Variants in SLC35F5 observed in about 807,000 individuals in gnomAD.
SLC35F5 encodes the protein HCV NS5A-transactivated protein 3.
SLC35F5 carries 54 observed loss-of-function variants against 68.6 expected under a neutral mutation model. That is an observed-to-expected ratio of 0.79 (90% CI 0.63 to 0.99). SLC35F5 has a LOEUF of 0.99. Ranked by LOEUF, SLC35F5 falls within the 50% of genes least tolerant of loss-of-function variation. SLC35F5 has a pLI of 0.00. For synonymous variants in SLC35F5, 211 were observed against 205.2 expected (o/e 1.03, Z -0.24); for missense variants, 567 against 626.9 (o/e 0.90, Z 1.02).
At chr2:113,703,007 G>A (rs1015491736), downstream of SLC35F5, among the ~76,000 whole-genome samples, 3 of 152,142 alleles carry the variant, frequency 2.0e-5, no homozygotes, top group East Asian at 5.8e-4. Flanking sequence ...CAACTTGAGA[G>A]GCTGAGGTGG....
In SLC35F5 at chr2:113,731,614, AC is replaced by A; in HGVS notation, c.954del (p.Ser319LeufsTer10). 1 of 1,613,292 alleles carries A rather than the reference AC, an allele frequency of 6.2e-7. No individual in the cohort carries two copies. Among genetic ancestry groups the A allele is most frequent in the Non-Finnish European group, 8.5e-7 (1 of 1,179,448 alleles). On this transcript the variant is annotated frameshift_variant, in exon 10 of 16. Transcript: ENST00000245680. LOFTEE classifies it high-confidence loss of function. ...GTGTCTCTTCCAGCAGGTTTTTCAG[AC>A]CCTGCCAGGTTTACCAGTACAACGC... is the stretch of plus-strand genomic sequence containing the variant. Reference protein sequence around the residue: ...IGGVVLVNLAGSEKPAGRDTV... With the variant: ...IGGVVLVNLAXSEKPAGRDTV...
chr2:113,707,011 T>G lies in SLC35F5; in HGVS notation c.*8207A>C, dbSNP rs537316718. 3.3e-5 allele frequency among the ~76,000 whole-genome samples: 5 copies of G among 152,216 alleles called. No homozygotes were observed. The South Asian group carries it at 1.0e-3, about 32-fold the overall frequency. On this transcript the variant is annotated 3_prime_UTR_variant, in exon 16 of 16. Transcript: ENST00000245680. The stretch of plus-strand genomic sequence containing the variant: ...TCATAGCTAACATAAGTAGGAATTA[T>G]AATTAATTTTATAATTGTGTTTAAA...
intron 12 of SLC35F5, 94 bp from the exon 13 acceptor site, chr2:113,723,288 G>C: frequency 1.5e-6 from 1 of 675,302 alleles, no homozygotes; most frequent in Non-Finnish European, 2.2e-6. Flanking sequence ...ATAGGCCTGT[G>C]AGATCAGGAG....
At chr2:113,747,116 A>G (rs1676523336) in intron 4 of SLC35F5, among the ~76,000 whole-genome samples, 1 of 151,814 alleles carries the variant, frequency 6.6e-6, no homozygotes, top group South Asian at 2.1e-4. Flanking sequence ...GTGAAACCCC[A>G]TCTCTACTAA....
intron 13 of SLC35F5, among the ~76,000 whole-genome samples, chr2:113,721,005 A>T (rs1481961712): frequency 6.6e-6 from 1 of 152,126 alleles, no homozygotes; most frequent in Admixed American, 6.5e-5. Context: ...CTAATTCCTA[A>T]ATATATCTGA....
chr2:113,722,822 C>T (rs1687498063), intron 13 of SLC35F5, among the ~76,000 whole-genome samples: 1 of 152,082 alleles, frequency 6.6e-6, no homozygotes, highest in South Asian at 2.1e-4. Flanking sequence ...TGTGACTTAC[C>T]AAAGAACATC....
chr2:113,722,480 T>C (rs73955055), intron 13 of SLC35F5, among the ~76,000 whole-genome samples: 35,314 of 152,112 alleles, frequency 0.23, 4,456 homozygotes, highest in Middle Eastern at 0.49. Context: ...TAAATGGCTA[T>C]GCTCCATCTT....
chr2:113,746,190 A>G, intron 5 of SLC35F5, 87 bp downstream of exon 5: 1 of 962,194 alleles, frequency 1.0e-6, no homozygotes. Flanking sequence ...GTTGTAATAC[A>G]GCTTTGCTGC....
chr2:113,729,574 A>G, intron 10 of SLC35F5, 69 bp from the exon 11 acceptor site: 1 of 794,698 alleles, frequency 1.3e-6, no homozygotes, highest in Non-Finnish European at 2.1e-6. Flanking sequence ...AAATCCAATA[A>G]TGTGTCAGAT....
At chr2:113,722,303 T>C (rs35255260) in intron 13 of SLC35F5, among the ~76,000 whole-genome samples, 18,868 of 152,142 alleles carry the variant, frequency 0.12, 1,227 homozygotes, top group Non-Finnish European at 0.15. Context: ...GTTTAAAATT[T>C]TGATTATTGC....
rs1399603240 is a variant in SLC35F5, at chr2:113,714,302, T to C, written c.*916A>G. 2 of 152,112 alleles carry C rather than the reference T, an allele frequency of 1.3e-5. No homozygotes were observed. The highest frequency in any genetic ancestry group is 4.8e-5 in the African/African-American group (2 of 41,446). The allele number at this position is 152,112 out of a possible 1,614,324, so 9.4% of individuals were successfully genotyped here. ...TCTAGTTCTAGAGTAATCTGGCACATTCATATGTGAAAAAAATTAGAAATC... is the reference window on the plus strand; with the variant it reads ...TCTAGTTCTAGAGTAATCTGGCACACTCATATGTGAAAAAAATTAGAAATC... On this transcript the variant is annotated 3_prime_UTR_variant, in exon 16 of 16. Coordinates refer to ENST00000245680, the MANE Select transcript of SLC35F5 (RefSeq NM_025181.5).
In SLC35F5 at chr2:113,711,419, C is replaced by T. The variant is rs17682863; in HGVS notation, c.*3799G>A. On this transcript the variant is annotated 3_prime_UTR_variant, in exon 16 of 16. Coordinates refer to ENST00000245680, the MANE Select transcript of SLC35F5 (RefSeq NM_025181.5). ...TAAAATATCCCGTTTATTAAAGGCT[C>T]TTAAGATTTAAAGAAAAATTTCCTG... Among the ~76,000 whole-genome samples, 16,591 of 152,102 alleles carry T rather than the reference C, an allele frequency of 0.11. 980 individuals carry two copies. The highest frequency in any genetic ancestry group is 0.13 in the Non-Finnish European group (8,707 of 67,996).
chr2:113,742,519 A>T, intron 7 of SLC35F5, 173 bp downstream of exon 7: 1 of 627,022 alleles, frequency 1.6e-6, no homozygotes, highest in Non-Finnish European at 2.8e-6. Flanking sequence ...GAGGTATATC[A>T]AGCATTTATT....
chr2:113,716,764 C>T (rs369058490), intron 15 of SLC35F5, among the ~76,000 whole-genome samples: 1 of 152,182 alleles, frequency 6.6e-6, no homozygotes, highest in South Asian at 2.1e-4. Context: ...GCAGGGGTAA[C>T]TGCCTTGTAC....
intron 7 of SLC35F5, among the ~76,000 whole-genome samples, chr2:113,741,230 G>A (rs997547503): frequency 6.6e-6 from 1 of 152,090 alleles, no homozygotes; most frequent in African/African-American, 2.4e-5. Flanking sequence ...CTTATGAGTA[G>A]TCAAATCCAT....
chr2:113,729,348 C>A, intron 11 of SLC35F5, 53 bp downstream of exon 11: 1 of 936,910 alleles, frequency 1.1e-6, no homozygotes, highest in Non-Finnish European at 1.7e-6. Flanking sequence ...AAAAGCAAAA[C>A]CCTGTGTTAA....
intron 9 of SLC35F5, among the ~76,000 whole-genome samples, chr2:113,733,156 T>C (rs1261289908): frequency 3.9e-5 from 6 of 152,138 alleles, no homozygotes; most frequent in Admixed American, 3.9e-4. Context: ...TAGTAAATAT[T>C]TTAGGCTTCT....
At chr2:113,725,566 A>C (rs746266067) in intron 11 of SLC35F5, 29 bp from the exon 12 acceptor site, 1 of 1,531,796 alleles carries the variant, frequency 6.5e-7, no homozygotes, top group South Asian at 1.3e-5. Flanking sequence ...GACAAGAGTT[A>C]AAATTGATTT....
In SLC35F5 at chr2:113,719,375, G is replaced by GT. The variant is rs1206736639; in HGVS notation, c.1342-68dup. On this transcript the variant is annotated intron_variant, in intron 13 of 15. Coordinates refer to ENST00000245680, the MANE Select transcript of SLC35F5 (RefSeq NM_025181.5). ...CATTAAGGCAATTTTCCCCTTCAAT[G>GT]TAAGTTTTCTATTTGTGAAAACTAG... is the stretch of plus-strand genomic sequence containing the variant. 1.1e-5 allele frequency: 15 copies of GT among 1,413,662 alleles called. No homozygotes were observed. The African/African-American group carries it at 1.7e-4, about 16-fold the overall frequency. 87.6% of individuals were successfully genotyped at this position (1,413,662 alleles called of 1,614,324 possible). A position where few individuals can be genotyped will look rare whatever the true frequency, so the allele number is the denominator to read the frequency against.
Sources: allele counts gnomAD v4.1 joint callset (sites outside exome capture counted in the v4.1 genomes callset), GRCh38; gene constraint gnomAD v4.1.1; transcripts MANE v1.5; gene names NCBI Gene and HGNC (gene_info 2026-07-23, HGNC 2026-07-21).